The following SMCO4 variants were observed in gnomAD, a reference collection of about 807,000 sequenced individuals.
SMCO4 encodes single-pass membrane protein with coiled-coil domains 4.
A neutral mutation model predicts 3.6 loss-of-function variants in SMCO4; 4 were observed. That is an observed-to-expected ratio of 1.11 (90% confidence interval 0.54 to 2.53). SMCO4 has a LOEUF of 2.53. Among genes scored for constraint, SMCO4 ranks in the 30% most tolerant of loss-of-function variants. SMCO4 has a pLI of 0.02. For missense variants in SMCO4, 70 were observed against 80.8 expected (o/e 0.87, Z 0.51); for synonymous variants, 36 against 35.3 (o/e 1.02, Z -0.07).
chr11:93,544,098 C>T (rs1269873825), upstream of SMCO4, among the ~76,000 whole-genome samples: 1 of 152,160 alleles, frequency 6.6e-6, no homozygotes, highest in African/African-American at 2.4e-5. Flanking sequence ...GCTGGGCAAT[C>T]GCGGGAAAGC....
intron 1 of SMCO4, among the ~76,000 whole-genome samples, chr11:93,539,096 C>A (rs568794649): frequency 6.6e-6 from 1 of 152,282 alleles, no homozygotes; most frequent in East Asian, 1.9e-4. Flanking sequence ...TTTCTGCACC[C>A]ATTTCCACAT....
the SMCO4 span, among the ~76,000 whole-genome samples, chr11:93,550,657 A>G: frequency 0.57 from 86,724 of 151,934 alleles, 24,967 homozygotes; most frequent in Admixed American, 0.65. Flanking sequence ...CCTGGGTGAC[A>G]GTGAGACCCT....
At chr11:93,512,287 G>A (rs571346592) in intron 1 of SMCO4, among the ~76,000 whole-genome samples, 1 of 152,318 alleles carries the variant, frequency 6.6e-6, no homozygotes, top group African/African-American at 2.4e-5. Context: ...TTATAATGAA[G>A]CTGAAAACGT....
intron 1 of SMCO4, among the ~76,000 whole-genome samples, chr11:93,511,258 C>T (rs1342583163): frequency 1.3e-5 from 2 of 152,116 alleles, no homozygotes; most frequent in Non-Finnish European, 2.9e-5. Context: ...TGAGACCCCT[C>T]CCTTCCTTCA....
In SMCO4 at chr11:93,537,828, T is replaced by C. The variant is rs964718761; in HGVS notation, c.-154+5448A>G. On this transcript the variant is annotated intron_variant, in intron 1 of 2. Coordinates refer to ENST00000298966, the MANE Select transcript of SMCO4 (RefSeq NM_020179.3). Reference sequence around the variant, plus strand: ...AAGCAGAAAGTGGGTGAGCAGACTCTTGCACGGAGTGACTCACCGGCAGAG... The same window carrying C: ...AAGCAGAAAGTGGGTGAGCAGACTCCTGCACGGAGTGACTCACCGGCAGAG... The C allele has an allele frequency of 2.0e-5, 3 of 151,822 alleles. No individual in the cohort carries two copies. The East Asian group carries it at 5.9e-4, about 30-fold the overall frequency. The allele number at this position is 151,822 out of a possible 1,614,324, so 9.4% of individuals were successfully genotyped here.
the SMCO4 span, among the ~76,000 whole-genome samples, chr11:93,551,066 TA>T: frequency 6.6e-6 from 1 of 152,220 alleles, no homozygotes; most frequent in African/African-American, 2.4e-5. Context: ...GAACACCTAG[TA>T]CATGCAGGCA....
At chr11:93,551,977 A>T in the SMCO4 span, among the ~76,000 whole-genome samples, 1 of 152,052 alleles carries the variant, frequency 6.6e-6, no homozygotes, top group East Asian at 1.9e-4. Flanking sequence ...AGACTCCTCA[A>T]CTCTAAGATG....
At chr11:93,479,875 T>G (rs1303013303) in intron 2 of SMCO4, among the ~76,000 whole-genome samples, 1 of 152,042 alleles carries the variant, frequency 6.6e-6, no homozygotes, top group East Asian at 1.9e-4. Context: ...GATGAAGGAC[T>G]CAGTTGTGTC....
the SMCO4 span, among the ~76,000 whole-genome samples, chr11:93,551,869 A>G: frequency 1.2e-4 from 19 of 152,304 alleles, no homozygotes; most frequent in South Asian, 3.3e-3. Flanking sequence ...AGAAAATGGT[A>G]TGAAGAGCAT....
chr11:93,540,542 T>C (rs1460996279), intron 1 of SMCO4, among the ~76,000 whole-genome samples: 1 of 152,236 alleles, frequency 6.6e-6, no homozygotes, highest in Non-Finnish European at 1.5e-5. Context: ...AGTATCTCAT[T>C]TAACTAGCAC....
intron 1 of SMCO4, among the ~76,000 whole-genome samples, chr11:93,537,576 C>T (rs1445580892): frequency 2.0e-5 from 3 of 151,792 alleles, no homozygotes; most frequent in Admixed American, 6.6e-5. Flanking sequence ...CACCTAAACA[C>T]GAAGCAAAAA....
intron 2 of SMCO4, among the ~76,000 whole-genome samples, chr11:93,493,297 T>C (rs934447506): frequency 3.3e-5 from 5 of 152,154 alleles, no homozygotes; most frequent in African/African-American, 1.2e-4. Flanking sequence ...GTGGGTCCAC[T>C]GTTAACTAAG....
At chr11:93,510,585 C>T (rs1447575209) in intron 1 of SMCO4, among the ~76,000 whole-genome samples, 1 of 152,220 alleles carries the variant, frequency 6.6e-6, no homozygotes, top group Non-Finnish European at 1.5e-5. Flanking sequence ...CACCCACCCC[C>T]AACCCCACTG....
At chr11:93,487,221 T>C (rs1446595042) in intron 2 of SMCO4, among the ~76,000 whole-genome samples, 1 of 152,168 alleles carries the variant, frequency 6.6e-6, no homozygotes, top group African/African-American at 2.4e-5. Flanking sequence ...CACTCCAGTC[T>C]GCGGCAGAGT....
At chr11:93,485,655 G>C (rs971420365) in intron 2 of SMCO4, among the ~76,000 whole-genome samples, 3 of 152,168 alleles carry the variant, frequency 2.0e-5, no homozygotes, top group African/African-American at 7.2e-5. Context: ...ATATTCTCCT[G>C]GGCTGGCATG....
At chr11:93,538,807 T>A (rs1949249559) in intron 1 of SMCO4, among the ~76,000 whole-genome samples, 1 of 152,192 alleles carries the variant, frequency 6.6e-6, no homozygotes, top group Non-Finnish European at 1.5e-5. Context: ...TCTTAATGTC[T>A]TCTGTTCAGG....
At chr11:93,517,551 A>G (rs561688347) in intron 1 of SMCO4, among the ~76,000 whole-genome samples, 2 of 152,240 alleles carry the variant, frequency 1.3e-5, no homozygotes, top group African/African-American at 2.4e-5. Flanking sequence ...ATCAACTCCA[A>G]TTTCTCTAGT....
chr11:93,484,457 A>T (rs1002092624), intron 2 of SMCO4, among the ~76,000 whole-genome samples: 2 of 152,154 alleles, frequency 1.3e-5, no homozygotes, highest in Non-Finnish European at 2.9e-5. Flanking sequence ...CATCTGGTTA[A>T]ACGATCTTGG....
intron 1 of SMCO4, among the ~76,000 whole-genome samples, chr11:93,515,003 C>T (rs541787445): frequency 6.6e-6 from 1 of 152,228 alleles, no homozygotes; most frequent in African/African-American, 2.4e-5. Flanking sequence ...ATAAATGCAC[C>T]ATTACTCTAA....
Sources: gnomAD v4.1 joint callset for allele counts (sites outside exome capture counted in the v4.1 genomes callset) on GRCh38, gnomAD v4.1.1 for gene constraint, MANE v1.5 for transcripts, NCBI Gene and HGNC (gene_info 2026-07-23, HGNC 2026-07-21) for gene names.